Variants in TMX4 observed in about 807,000 individuals in gnomAD.
TMX4 encodes the protein thioredoxin-related transmembrane protein 4.
A neutral mutation model predicts 33.3 loss-of-function variants in TMX4; 23 were observed. The observed-to-expected ratio is 0.69, with a 90% confidence interval of 0.50 to 0.98. The LOEUF (loss-of-function observed/expected upper bound fraction) is 0.98, where lower values mean the gene tolerates loss of function less well. Ranked by LOEUF, TMX4 falls within the 50% of genes least tolerant of loss-of-function variation. TMX4 has a pLI of 0.00. For missense variants in TMX4, 399 were observed against 448.9 expected, an observed-to-expected ratio of 0.89 and a Z score of 1.01; for synonymous variants, 164 against 161.5, an observed-to-expected ratio of 1.02 and a Z score of -0.12.
chr20:8,014,663 T>C (rs2050765436), intron 1 of TMX4, among the ~76,000 whole-genome samples: 1 of 152,216 alleles, frequency 6.6e-6, no homozygotes, highest in Non-Finnish European at 1.5e-5. Context: ...GAAAGAATTT[T>C]CCTGGGGCAT....
rs574703158 is a variant in TMX4 at position 7,995,957 on chromosome 20, T to C, written c.513+69A>G. The C allele has an allele frequency of 7.1e-5, 90 of 1,269,686 alleles. 2 individuals are homozygous for C. The South Asian group carries it at 7.8e-4, about 11-fold the overall frequency. 78.7% of individuals were successfully genotyped at this position (1,269,686 alleles called of 1,614,324 possible). Reference sequence around the variant, plus strand: ...GTACTTATAAATGTTTGTTTTCCTATTGCTTAAAAGCTGTATTTTTATTCT... The same window carrying C: ...GTACTTATAAATGTTTGTTTTCCTACTGCTTAAAAGCTGTATTTTTATTCT... On this transcript the variant is annotated intron_variant, in intron 5 of 7. Coordinates refer to ENST00000246024, the MANE Select transcript of TMX4 (RefSeq NM_021156.4).
intron 2 of TMX4, among the ~76,000 whole-genome samples, chr20:8,009,549 G>A (rs1056600228): frequency 9.9e-5 from 15 of 152,078 alleles, no homozygotes; most frequent in African/African-American, 3.6e-4. Flanking sequence ...ATTACTAATG[G>A]TGATAGCATA....
At position 7,980,219 on chromosome 20, in the gene TMX4, T is replaced by TCAAATACTCC; in HGVS notation, c.*2022_*2031dup. On this transcript the variant is annotated 3_prime_UTR_variant, in exon 8 of 8. Coordinates refer to ENST00000246024, the MANE Select transcript of TMX4 (RefSeq NM_021156.4). ...TATTTCTGCCTTACCTTCTCTCTAG[T>TCAAATACTCC]CAAATACTCCACTAAAAAAATGAAT... is the stretch of plus-strand genomic sequence containing the variant. 1 of 152,144 alleles carries TCAAATACTCC rather than the reference T, an allele frequency of 6.6e-6. No homozygotes were observed. Among genetic ancestry groups the TCAAATACTCC allele is most frequent in the East Asian group, 1.9e-4 (1 of 5,192 alleles). 9.4% of individuals were successfully genotyped at this position (152,144 alleles called of 1,614,324 possible).
chr20:7,988,866 T>C (rs375193768), intron 5 of TMX4, among the ~76,000 whole-genome samples: 16 of 151,974 alleles, frequency 1.1e-4, no homozygotes, highest in African/African-American at 3.9e-4. Context: ...CTACTAAAAA[T>C]ACAAAAATCA....
intron 2 of TMX4, among the ~76,000 whole-genome samples, chr20:8,006,601 C>T (rs2050731582): frequency 6.6e-6 from 1 of 152,106 alleles, no homozygotes; most frequent in African/African-American, 2.4e-5. Flanking sequence ...TAAACTGCTT[C>T]CAAGATAGAG....
At chr20:8,007,029 A>C (rs2050733912) in intron 2 of TMX4, among the ~76,000 whole-genome samples, 1 of 152,144 alleles carries the variant, frequency 6.6e-6, no homozygotes, top group Non-Finnish European at 1.5e-5. Context: ...GGCCTCCCAG[A>C]GTGCTGGGAT....
chr20:7,990,808 G>T (rs112592798), intron 5 of TMX4, among the ~76,000 whole-genome samples: 5 of 152,192 alleles, frequency 3.3e-5, no homozygotes, highest in African/African-American at 1.2e-4. Flanking sequence ...CAAGGAAACA[G>T]CTAGAAAAGA....
At chr20:8,019,193 G>T in intron 1 of TMX4, 1 of 505,442 alleles carries the variant, frequency 2.0e-6, no homozygotes, top group South Asian at 2.3e-5. Flanking sequence ...CATGCGCGGC[G>T]CGAGCGGCCG....
intron 5 of TMX4, among the ~76,000 whole-genome samples, chr20:7,990,407 TA>T (rs3840070): frequency 0.21 from 32,432 of 152,048 alleles, 6,467 homozygotes; most frequent in East Asian, 0.53. Flanking sequence ...AACTTTTGGC[TA>T]CATACATATT....
rs1568541347 is a variant in TMX4, at chr20:8,018,522, G to C, written c.176+916C>G. 5.7e-4 allele frequency among the ~76,000 whole-genome samples: 27 copies of C among 47,368 alleles called. 5 individuals are homozygous for C. The highest frequency in any genetic ancestry group is 0.011 in the Middle Eastern group (1 of 90). The allele number at this position is 47,368 out of a possible 152,430, so 31.1% of individuals were successfully genotyped here. On this transcript the variant is annotated intron_variant, in intron 1 of 7. Transcript: ENST00000246024. Reference sequence around the variant, plus strand: ...AGAGAGAGAGAGAGAGAGAGAGAGAGAGAGAGTCTGCAAGCCCACCATGAT... The same window carrying C: ...AGAGAGAGAGAGAGAGAGAGAGAGACAGAGAGTCTGCAAGCCCACCATGAT...
At chr20:8,016,503 A>G (rs2050776152) in intron 1 of TMX4, among the ~76,000 whole-genome samples, 1 of 152,240 alleles carries the variant, frequency 6.6e-6, no homozygotes, top group African/African-American at 2.4e-5. Context: ...TAACTCATAC[A>G]TTTTTAAAAC....
chr20:7,999,731 C>A lies in TMX4; in HGVS notation c.467+1G>T. ...CACCTTGTCTTAAAAAATTGAGTTA[C>A]GTTAGAGAAGCCGGGGATTTCCAGC... On this transcript the variant is annotated splice_donor_variant, in intron 4 of 7. Coordinates refer to ENST00000246024, the MANE Select transcript of TMX4 (RefSeq NM_021156.4). LOFTEE classifies it high-confidence loss of function. 2 of 1,610,030 alleles carry A rather than the reference C, an allele frequency of 1.2e-6. No homozygotes were observed. The highest frequency in any genetic ancestry group is 2.2e-5 in the South Asian group (2 of 89,980).
In TMX4 at chr20:7,999,755, G is replaced by T. The variant is rs1249241962; in HGVS notation, c.444C>A (p.Gly148=). The T allele has an allele frequency of 6.2e-7, 1 of 1,611,860 alleles. No individual in the cohort carries two copies. Among genetic ancestry groups the T allele is most frequent in the Non-Finnish European group, 8.5e-7 (1 of 1,179,354 alleles). Residue 148 remains glycine, a synonymous_variant, in exon 4 of 8, where the codon GGC becomes GGA. Transcript: ENST00000246024. ...KKWQSVEPLT[G]WKSPASLTMS... ...ACGTTAGAGAAGCCGGGGATTTCCA[G>T]CCAGTCAGAGGCTCGACTGATTGCC...
At position 7,982,582 on chromosome 20, in the gene TMX4, T is replaced by G; in HGVS notation, c.719A>C (p.Gln240Pro). ...TTTTTCCTCCTCCGCATCCTGCAAC[T>G]GTTCAGCTCTATGAGCCTCCTCTGA... ...RRSEEAHRAE[Q>P]LQDAEEEKDD... is the part of the protein sequence containing the mutation. The change falls in exon 8 of 8, where the codon CAG becomes CCG. Residue 240 changes from glutamine (Q) to proline (P), a missense_variant. Gln to Pro is a moderately conservative substitution (Grantham distance 76). Coordinates refer to ENST00000246024, the MANE Select transcript of TMX4 (RefSeq NM_021156.4). 2 of 1,613,606 alleles carry G rather than the reference T, an allele frequency of 1.2e-6. No homozygotes were observed. Among genetic ancestry groups the G allele is most frequent in the African/African-American group, 2.7e-5 (2 of 75,024 alleles).
In TMX4 at chr20:8,012,928, G is replaced by A. The variant is rs144822940; in HGVS notation, c.177-2613C>T. 1.6e-4 allele frequency among the ~76,000 whole-genome samples: 25 copies of A among 152,284 alleles called. No individual in the cohort carries two copies. The South Asian group carries it at 1.7e-3, about 10-fold the overall frequency. On this transcript the variant is annotated intron_variant, in intron 1 of 7. Transcript: ENST00000246024. ...GATTTGTGTTGGAATGCACCCAGAT[G>A]TTCTTTCAGTGGTAGAGATAAGCCA...
intron 7 of TMX4, 102 bp from the exon 8 acceptor site, chr20:7,982,723 A>C (rs2050614162): frequency 3.0e-6 from 4 of 1,311,516 alleles, no homozygotes; most frequent in Non-Finnish European, 4.2e-6. Context: ...GGTAAGTGAC[A>C]GTTTTTTCTA....
intron 3 of TMX4, 63 bp downstream of exon 3, chr20:8,001,433 A>G: frequency 4.7e-6 from 7 of 1,496,778 alleles, no homozygotes; most frequent in Non-Finnish European, 6.4e-6. Context: ...GACAACTTAG[A>G]ATTCCTGGTA....
chr20:8,005,541 G>T (rs1376017920), intron 2 of TMX4, among the ~76,000 whole-genome samples: 1 of 152,196 alleles, frequency 6.6e-6, no homozygotes, highest in African/African-American at 2.4e-5. Flanking sequence ...GGCGAGGACA[G>T]GCATTTCTGT....
intron 1 of TMX4, among the ~76,000 whole-genome samples, chr20:8,011,476 A>C (rs1010907972): frequency 1.4e-5 from 2 of 145,454 alleles, no homozygotes; most frequent in Non-Finnish European, 3.0e-5. Flanking sequence ...AAGTATCATT[A>C]AAAAAAAAAA....
Sources: gnomAD v4.1 joint callset for allele counts (sites outside exome capture counted in the v4.1 genomes callset) on GRCh38, gnomAD v4.1.1 for gene constraint, MANE v1.5 for transcripts, NCBI Gene and HGNC (gene_info 2026-07-23, HGNC 2026-07-21) for gene names.